The following CARMIL2 variants were observed in gnomAD, a reference collection of about 807,000 sequenced individuals.
CARMIL2 encodes capping protein regulator and myosin 1 linker 2.
Under a neutral mutation model 173.3 loss-of-function variants are expected in CARMIL2, and 96 were observed. The ratio of observed to expected loss-of-function variants is 0.55; its 90% confidence interval spans 0.47 to 0.66. The LOEUF (loss-of-function observed/expected upper bound fraction) is 0.66. CARMIL2 is among the 30% of genes least tolerant of loss of function. The probability of loss-of-function intolerance (pLI) is 0.00; values close to 1 mark genes in which losing one functional copy is unlikely to be tolerated. For synonymous variants in CARMIL2, 830 were observed against 817.1 expected, an observed-to-expected ratio of 1.02 and a Z score of -0.27; for missense variants, 1,771 against 1,906.7, an observed-to-expected ratio of 0.93 and a Z score of 1.33.
At position 67,645,149 on chromosome 16, in the gene CARMIL2, G is replaced by GAT; in HGVS notation, c.-98_-97insAT. The GAT allele has an allele frequency of 4.6e-6, 4 of 863,292 alleles. No individual in the cohort carries two copies. The highest frequency in any genetic ancestry group is 3.0e-5 in the Admixed American group (1 of 33,134). 53.5% of individuals were successfully genotyped at this position (863,292 alleles called of 1,614,324 possible). On this transcript the variant is annotated 5_prime_UTR_variant, in exon 1 of 38. Coordinates refer to ENST00000334583, the MANE Select transcript of CARMIL2 (RefSeq NM_001013838.3). ...CCTTCCGCCGCCGGAGGAGCAGGTG[G>GAT]CTGCCGTGCGGGTCTGGGCCCCAGG... is the stretch of plus-strand genomic sequence containing the variant.
Position 67,648,412 on chromosome 16 carries a change from C to T in CARMIL2, c.1349C>T (p.Ala450Val). 1.3e-6 allele frequency: 2 copies of T among 1,522,578 alleles called. No homozygotes were observed. Among genetic ancestry groups the T allele is most frequent in the Middle Eastern group, 3.5e-4 (2 of 5,774 alleles). 94.3% of individuals were successfully genotyped at this position (1,522,578 alleles called of 1,614,324 possible). Reference protein sequence around the residue: ...NVFSRTKSRAAPAALQLFLSR... With the variant: ...NVFSRTKSRAVPAALQLFLSR... Reference sequence around the variant, plus strand: ...ACTTCCCCCAGGAAGTCCCGCGCCGCGCCGGCCGCGCTGCAGCTCTTCCTC... The same window carrying T: ...ACTTCCCCCAGGAAGTCCCGCGCCGTGCCGGCCGCGCTGCAGCTCTTCCTC... The change falls in exon 15 of 38, where the codon GCG (alanine) becomes GTG (valine). Residue 450 changes from alanine to valine, a missense_variant. This residue lies in a region of CARMIL2 where 944 missense variants were observed against 975.6 expected (regional missense o/e 0.97). Coordinates refer to ENST00000334583, the MANE Select transcript of CARMIL2 (RefSeq NM_001013838.3). This position sits in a 1 kb window ranked among gnomAD's most constrained non-coding sequence, Gnocchi z 6.1.
In CARMIL2 at chr16:67,646,200, G is replaced by A; in HGVS notation, c.264G>A (p.Leu88=). 1 of 1,613,818 alleles carries A rather than the reference G, an allele frequency of 6.2e-7. No homozygotes were observed. Residue 88 remains leucine, a synonymous_variant, in exon 5 of 38, where the codon CTG becomes CTA. Coordinates refer to ENST00000334583, the MANE Select transcript of CARMIL2 (RefSeq NM_001013838.3). The surrounding 1 kb of genome is among the most constrained non-coding windows in gnomAD (Gnocchi z 4.6). ...CCCTTCCCTAGGTCACCTTTGAGCTGGAGTCCCTGCGTGAGCTGGTCCTGG... is the reference window on the plus strand; with the variant it reads ...CCCTTCCCTAGGTCACCTTTGAGCTAGAGTCCCTGCGTGAGCTGGTCCTGG... The part of the protein sequence containing the change: ...QETPPQVTFE[L]ESLRELVLEF...
chr16:67,647,564 G>C lies in CARMIL2; in HGVS notation c.833G>C (p.Arg278Pro). The change falls in exon 11 of 38, where the codon CGG becomes CCG. Residue 278 changes from arginine (R) to proline (P), a missense_variant. Physicochemically the swap from Arg to Pro is moderately radical, Grantham distance 103. This residue lies in a region of CARMIL2 where 944 missense variants were observed against 975.6 expected (regional missense o/e 0.97). Transcript: ENST00000334583. ...GCGGGACACTCAAGCTCTGGGCTGC[G>C]GGAGCTCAGCCTCGCGGGGAACCTG... ...ALAGHSSSGLRELSLAGNLLD... is the reference protein window; with the variant it reads ...ALAGHSSSGLPELSLAGNLLD... 17 of 1,611,162 alleles carry C rather than the reference G, an allele frequency of 1.1e-5. No individual in the cohort carries two copies. Among genetic ancestry groups the C allele is most frequent in the Non-Finnish European group, 1.4e-5 (17 of 1,178,910 alleles).
chr16:67,647,670 A>G lies in CARMIL2; in HGVS notation c.872-10A>G. On this transcript the variant is annotated splice_polypyrimidine_tract_variant and intron_variant, in intron 11 of 37. Coordinates refer to ENST00000334583, the MANE Select transcript of CARMIL2 (RefSeq NM_001013838.3). ...AGGTGAGACCCACGTGGCTGTTCCC[A>G]CCCCCCAAGGCATGACTGCACTCAG... 6.3e-7 allele frequency: 1 copy of G among 1,598,326 alleles called. No individual in the cohort carries two copies. Among genetic ancestry groups the G allele is most frequent in the South Asian group, 1.1e-5 (1 of 88,116 alleles).
At position 67,652,312 on chromosome 16, in the gene CARMIL2, C is replaced by T. The variant is rs756419752; in HGVS notation, c.2790C>T (p.Pro930=). 6 of 1,612,968 alleles carry T rather than the reference C, an allele frequency of 3.7e-6. No homozygotes were observed. The highest frequency in any genetic ancestry group is 2.2e-5 in the East Asian group (1 of 44,892). Residue 930 remains proline, a synonymous_variant, in exon 27 of 38, where the codon CCC becomes CCT. Transcript: ENST00000334583. This position sits in a 1 kb window ranked among gnomAD's most constrained non-coding sequence, Gnocchi z 4.7. ...EPGELEGLFF[P]EEKEEEKEKD... ...GGGAATTGGAAGGTCTTTTCTTCCC[C>T]GAGGAGAAGGAAGAGGAGAAGGAGA...
rs756177349 is a variant in CARMIL2, at chr16:67,651,494, G to A, written c.2407G>A (p.Val803Ile). 6.3e-7 allele frequency: 1 copy of A among 1,593,880 alleles called. No homozygotes were observed. The highest frequency in any genetic ancestry group is 8.5e-7 in the Non-Finnish European group (1 of 1,169,686). Residue 803 changes from valine (V) to isoleucine (I), a missense_variant, in exon 24 of 38, where the codon GTC becomes ATC. Physicochemically the swap from Val to Ile is conservative, Grantham distance 29. Around this residue, in one of 3 missense-constraint regions of CARMIL2, gnomAD observed 817 missense variants for 903.5 expected, o/e 0.90. Transcript: ENST00000334583. The surrounding 1 kb of genome is among the most constrained non-coding windows in gnomAD (Gnocchi z 4.2). ...GGGCCTTCTGAGACAGGTGGGCGAG[G>A]TCTGCCGCCAGGACATCCAGGTGAG... ...LEGLLRQVGE[V>I]CRQDIQDFTQ...
chr16:67,646,490 G>C lies in CARMIL2; in HGVS notation c.439G>C (p.Glu147Gln), dbSNP rs776215585. ...LARLERSSPS[E>Q]STDPCSPCGG... is the part of the protein sequence containing the mutation. ...TCGGCTGGAGAGAAGCAGCCCCTCGGAGTCCACTGACCCCTGCAGCCCCTG... is the reference window on the plus strand; with the variant it reads ...TCGGCTGGAGAGAAGCAGCCCCTCGCAGTCCACTGACCCCTGCAGCCCCTG... Residue 147 changes from glutamate to glutamine, a missense_variant, in exon 6 of 38, where the codon GAG (glutamate) becomes CAG (glutamine). By Grantham distance (29) the Glu-to-Gln change is conservative. This residue lies in a region of CARMIL2 where 944 missense variants were observed against 975.6 expected (regional missense o/e 0.97). Transcript: ENST00000334583. The surrounding 1 kb of genome is among the most constrained non-coding windows in gnomAD (Gnocchi z 4.6). 34 of 1,613,346 alleles carry C rather than the reference G, an allele frequency of 2.1e-5. No homozygotes were observed. The highest frequency in any genetic ancestry group is 2.9e-5 in the Non-Finnish European group (34 of 1,179,854).
chr16:67,650,257 G>A, intron 22 of CARMIL2, 107 bp downstream of exon 22: 1 of 881,618 alleles, frequency 1.1e-6, no homozygotes, highest in Non-Finnish European at 1.8e-6. Context: ...CAGGGTGCCT[G>A]AGCCCTGCTG....
At position 67,657,458 on chromosome 16, in the gene CARMIL2, C is replaced by T. The variant is rs538883123; in HGVS notation, c.4248C>T (p.Ser1416=). Residue 1416 remains serine, a synonymous_variant, in exon 38 of 38, where the codon AGC becomes AGT. Coordinates refer to ENST00000334583, the MANE Select transcript of CARMIL2 (RefSeq NM_001013838.3). This position sits in a 1 kb window ranked among gnomAD's most constrained non-coding sequence, Gnocchi z 4.5. Reference sequence around the variant, plus strand: ...CCCCACAGCCCACAGAGCCCTCCAGCCCTGAGCGGAGCCCACCCTCCCCAG... The same window carrying T: ...CCCCACAGCCCACAGAGCCCTCCAGTCCTGAGCGGAGCCCACCCTCCCCAG... The part of the protein sequence containing the change: ...PLPPQPTEPS[S]PERSPPSPAT... 1.1e-4 allele frequency: 179 copies of T among 1,611,404 alleles called. 1 individual carries two copies. The South Asian group carries it at 1.8e-3, about 16-fold the overall frequency.
chr16:67,645,568 A>C lies in CARMIL2; in HGVS notation c.69A>C (p.Lys23Asn), dbSNP rs768090915. The C allele has an allele frequency of 1.9e-5, 31 of 1,610,764 alleles. No individual in the cohort carries two copies. The highest frequency in any genetic ancestry group is 2.5e-5 in the Non-Finnish European group (30 of 1,178,696). ...RGEITRFLWPKEVELLLKTWL... is the reference protein window; with the variant it reads ...RGEITRFLWPNEVELLLKTWL... ...AGATCACCAGGTTCCTGTGGCCCAA[A>C]GAGGTGGAGCTGCTGCTGAAAACCT... Residue 23 changes from lysine to asparagine, a missense_variant, in exon 2 of 38, where the codon AAA becomes AAC. Physicochemically the swap from Lys to Asn is moderately conservative, Grantham distance 94. This residue lies in a region of CARMIL2 where 944 missense variants were observed against 975.6 expected (regional missense o/e 0.97). Transcript: ENST00000334583.
chr16:67,648,527 C>G lies in CARMIL2; in HGVS notation c.1439+25C>G. On this transcript the variant is annotated intron_variant, in intron 15 of 37. Coordinates refer to ENST00000334583, the MANE Select transcript of CARMIL2 (RefSeq NM_001013838.3). This position sits in a 1 kb window ranked among gnomAD's most constrained non-coding sequence, Gnocchi z 6.1. ...GGTCAGTGTCGGACCCCGGCCACGC[C>G]CCCGCGGGCGCTCCCACCCTGCCCT... 2.1e-6 allele frequency: 3 copies of G among 1,460,094 alleles called. No individual in the cohort carries two copies. The highest frequency in any genetic ancestry group is 2.8e-5 in the South Asian group (2 of 72,194). The allele number at this position is 1,460,094 out of a possible 1,614,324, so 90.4% of individuals were successfully genotyped here. A position where few individuals can be genotyped will look rare whatever the true frequency, so the allele number is the denominator to read the frequency against.
At position 67,646,981 on chromosome 16, in the gene CARMIL2, G is replaced by T. The variant is rs1177811774; in HGVS notation, c.611+8G>T. The T allele has an allele frequency of 6.2e-7, 1 of 1,612,742 alleles. No homozygotes were observed. Reference sequence around the variant, plus strand: ...CAGCCACCTCGGCAGTCGGTGTGTGGCCTGCCAGGATGGGAGAGGAGGAAG... The same window carrying T: ...CAGCCACCTCGGCAGTCGGTGTGTGTCCTGCCAGGATGGGAGAGGAGGAAG... On this transcript the variant is annotated splice_region_variant and intron_variant, in intron 8 of 37. Coordinates refer to ENST00000334583, the MANE Select transcript of CARMIL2 (RefSeq NM_001013838.3). This position sits in a 1 kb window ranked among gnomAD's most constrained non-coding sequence, Gnocchi z 4.6.
In CARMIL2 at chr16:67,645,588, A is replaced by T. The variant is rs1245344565; in HGVS notation, c.89A>T (p.Lys30Ile). 2 of 1,613,160 alleles carry T rather than the reference A, an allele frequency of 1.2e-6. No homozygotes were observed. Among genetic ancestry groups the T allele is most frequent in the Non-Finnish European group, 8.5e-7 (1 of 1,179,672 alleles). The change falls in exon 2 of 38, where the codon AAA becomes ATA. Residue 30 changes from lysine to isoleucine, a missense_variant. Lys to Ile is a moderately radical substitution (Grantham distance 102). Around this residue, in one of 3 missense-constraint regions of CARMIL2, gnomAD observed 944 missense variants for 975.6 expected, o/e 0.97. Coordinates refer to ENST00000334583, the MANE Select transcript of CARMIL2 (RefSeq NM_001013838.3). ...CCCAAAGAGGTGGAGCTGCTGCTGA[A>T]AACCTGGCTACCCGGGGAGGGTGCT... ...LWPKEVELLL[K>I]TWLPGEGAVQ...
Position 67,651,843 on chromosome 16 carries a change from C to G in CARMIL2, c.2586C>G (p.Leu862=). Residue 862 remains leucine (L), a splice_region_variant and synonymous_variant, in exon 25 of 38, where the codon CTC becomes CTG. Coordinates refer to ENST00000334583, the MANE Select transcript of CARMIL2 (RefSeq NM_001013838.3). This position sits in a 1 kb window ranked among gnomAD's most constrained non-coding sequence, Gnocchi z 4.2. ...TGCTGCAAGATGCCTTCACTAGGCT[C>G]AGGTAGGCTGGATGGGGCTGGGCTG... ...EQLLQDAFTR[L]RDMRLSITGT... 6.2e-7 allele frequency: 1 copy of G among 1,612,558 alleles called. No individual in the cohort carries two copies. The highest frequency in any genetic ancestry group is 8.5e-7 in the Non-Finnish European group (1 of 1,179,606).
At position 67,654,760 on chromosome 16, in the gene CARMIL2, G is replaced by C. The variant is rs966346318; in HGVS notation, c.3583-18G>C. The C allele has an allele frequency of 4.3e-6, 7 of 1,612,742 alleles. No individual in the cohort carries two copies. Among genetic ancestry groups the C allele is most frequent in the African/African-American group, 1.3e-5 (1 of 74,910 alleles). On this transcript the variant is annotated intron_variant, in intron 31 of 37. Transcript: ENST00000334583. ...CCAGGGCGCGGACTGTCTCCAACTC[G>C]AGCATCTCTGTCCCTAGCGGCGGCC...
In CARMIL2 at chr16:67,656,443, C is replaced by G. The variant is rs772250294; in HGVS notation, c.3834C>G (p.Gly1278=). 1.9e-6 allele frequency: 3 copies of G among 1,609,224 alleles called. No homozygotes were observed. Among genetic ancestry groups the G allele is most frequent in the Non-Finnish European group, 2.5e-6 (3 of 1,177,226 alleles). The change falls in exon 35 of 38, where the codon GGC becomes GGG. Residue 1278 remains glycine, a synonymous_variant. Transcript: ENST00000334583. ...SVSADPSCRP[G]PGSQGPESAT... ...CTACAGACCCTTCCTGCAGACCTGG[C>G]CCAGGGAGCCAGGGGCCTGAGTCTG... is the stretch of plus-strand genomic sequence containing the variant.
Position 67,648,554 on chromosome 16 carries a change from G to A in CARMIL2, c.1439+52G>A. The A allele has an allele frequency of 6.8e-7, 1 of 1,467,326 alleles. No homozygotes were observed. Among genetic ancestry groups the A allele is most frequent in the Non-Finnish European group, 9.2e-7 (1 of 1,087,936 alleles). The allele number at this position is 1,467,326 out of a possible 1,614,324, so 90.9% of individuals were successfully genotyped here. A position where few individuals can be genotyped will look rare whatever the true frequency, so the allele number is the denominator to read the frequency against. On this transcript the variant is annotated intron_variant, in intron 15 of 37. Transcript: ENST00000334583. The surrounding 1 kb of genome is among the most constrained non-coding windows in gnomAD (Gnocchi z 6.1). ...CCGCGGGCGCTCCCACCCTGCCCTG[G>A]CCTTCGCCCCTCCCCGCTCCTGCTT...
At position 67,647,442 on chromosome 16, in the gene CARMIL2, G is replaced by T. The variant is rs570471919; in HGVS notation, c.776+55G>T. On this transcript the variant is annotated intron_variant, in intron 10 of 37. Transcript: ENST00000334583. ...GAGAGTCTGGAGGCTTGGGACTGGG[G>T]GCTAGTGGCCTGGGAGGGGTTGGCA... 27 of 1,557,812 alleles carry T rather than the reference G, an allele frequency of 1.7e-5. No individual in the cohort carries two copies. In the South Asian group the frequency reaches 2.8e-4, roughly 16 times the overall value.
At position 67,647,332 on chromosome 16, in the gene CARMIL2, A is replaced by T; in HGVS notation, c.721A>T (p.Met241Leu). The T allele has an allele frequency of 1.3e-6, 2 of 1,593,094 alleles. No homozygotes were observed. The highest frequency in any genetic ancestry group is 1.7e-6 in the Non-Finnish European group (2 of 1,169,850). ...GGTCTCAGAACAGATTCTGCACATG[A>T]TGAGTCAGTCATCACACCTGGAGGA... is the stretch of plus-strand genomic sequence containing the variant. The part of the protein sequence containing the change: ...LEVSEQILHM[M>L]SQSSHLEELV... The change falls in exon 10 of 38, where the codon ATG (methionine) becomes TTG (leucine). Residue 241 changes from methionine to leucine, a missense_variant. Around this residue, in one of 3 missense-constraint regions of CARMIL2, gnomAD observed 944 missense variants for 975.6 expected, o/e 0.97. Transcript: ENST00000334583.
Sources: gnomAD v4.1 joint callset for allele counts on GRCh38, gnomAD v4.1.1 for gene constraint, gnomAD v4.1.1 regional missense constraint, Gnocchi (gnomAD v3.1) non-coding constraint, MANE v1.5 for transcripts, NCBI Gene and HGNC (gene_info 2026-07-23, HGNC 2026-07-21) for gene names.